PTPRH: variants seen among roughly 807,000 people sequenced by gnomAD.
PTPRH encodes the protein receptor-type tyrosine-protein phosphatase H.
A neutral mutation model predicts 130.2 loss-of-function variants in PTPRH; 113 were observed. The observed-to-expected ratio is 0.87, with a 90% CI of 0.75 to 1.01. The LOEUF (loss-of-function observed/expected upper bound fraction) is 1.01, where lower values mean the gene tolerates loss of function less well. Ranked by LOEUF, PTPRH falls within the 50% of genes least tolerant of loss-of-function variation. The pLI is 0.00. For missense variants in PTPRH, 1,430 were observed against 1,425.0 expected (o/e 1.00, Z -0.06); for synonymous variants, 556 against 577.9 (o/e 0.96, Z 0.54).
chr19:55,201,011 G>A (rs559535206), intron 6 of PTPRH, among the ~76,000 whole-genome samples: 1 of 152,118 alleles, frequency 6.6e-6, no homozygotes, highest in East Asian at 1.9e-4. Flanking sequence ...TTAAGAGGTA[G>A]GGCCCTTGCA....
chr19:55,192,360 C>T (rs2086569000), intron 10 of PTPRH, among the ~76,000 whole-genome samples: 1 of 151,810 alleles, frequency 6.6e-6, no homozygotes, highest in Non-Finnish European at 1.5e-5. Flanking sequence ...CCAGATCACA[C>T]TACTGCACTC....
rs374574973 is a variant in PTPRH, at chr19:55,192,185, G to A, written c.2258-444C>T. On this transcript the variant is annotated intron_variant, in intron 10 of 19. Coordinates refer to ENST00000376350, the MANE Select transcript of PTPRH (RefSeq NM_002842.5). ...TGGGAGGCGGAGATGGGCACATCAC[G>A]AGGTCAGGAGATCGAGACCATCCTG... The A allele has an allele frequency of 4.2e-4, 149 of 352,040 alleles. 4 individuals are homozygous for A. In the East Asian group the frequency reaches 6.5e-3, roughly 15 times the overall value. 21.8% of individuals were successfully genotyped at this position (352,040 alleles called of 1,614,324 possible).
intron 10 of PTPRH, chr19:55,192,057 T>C (rs2086557814): frequency 2.1e-6 from 1 of 476,176 alleles, no homozygotes; most frequent in Non-Finnish European, 4.1e-6. Context: ...TTCTCTTCCT[T>C]AGGATATTCT....
intron 9 of PTPRH, 130 bp downstream of exon 9, chr19:55,196,987 C>G: frequency 7.9e-7 from 1 of 1,268,856 alleles, no homozygotes; most frequent in Non-Finnish European, 1.1e-6. Flanking sequence ...GCCTTGGGCT[C>G]CTCCATCACT....
At chr19:55,192,331 G>A (rs1458966404) in intron 10 of PTPRH, among the ~76,000 whole-genome samples, 1 of 151,840 alleles carries the variant, frequency 6.6e-6, no homozygotes, top group Non-Finnish European at 1.5e-5. Flanking sequence ...GAACCCGGGA[G>A]GTGGAGCTTG....
At chr19:55,197,534 A>C (rs2086726232) in intron 8 of PTPRH, 118 bp from the exon 9 acceptor site, 1 of 974,612 alleles carries the variant, frequency 1.0e-6, no homozygotes, top group African/African-American at 1.6e-5. Flanking sequence ...CCAGTGGCTA[A>C]GGAGGCTGAA....
chr19:55,196,985 C>T (rs561525739), intron 9 of PTPRH, 132 bp downstream of exon 9: 17 of 1,257,886 alleles, frequency 1.4e-5, no homozygotes, highest in East Asian at 1.3e-4. Flanking sequence ...AGGCCTTGGG[C>T]TCCTCCATCA....
At position 55,206,803 on chromosome 19, in the gene PTPRH, T is replaced by C. The variant is rs1351775577; in HGVS notation, c.238A>G (p.Thr80Ala). ...CCATCCACGGTGACGTTGGTGGCTG[T>C]TGTGTTTCGAGTCTCTGTTGTGCCG... The part of the protein sequence containing the change: ...DGGTTETRNT[T>A]ATNVTVDGLG... The change falls in exon 3 of 20, where the codon ACA becomes GCA. Residue 80 changes from threonine to alanine, a missense_variant. By Grantham distance (58) the Thr-to-Ala change is moderately conservative. Coordinates refer to ENST00000376350, the MANE Select transcript of PTPRH (RefSeq NM_002842.5). 3.1e-6 allele frequency: 5 copies of C among 1,614,056 alleles called. No homozygotes were observed. The highest frequency in any genetic ancestry group is 1.3e-5 in the African/African-American group (1 of 74,924).
intron 2 of PTPRH, 41 bp from the exon 3 acceptor site, chr19:55,206,996 G>T (rs751990670): frequency 1.3e-6 from 2 of 1,566,180 alleles, no homozygotes; most frequent in Non-Finnish European, 1.7e-6. Flanking sequence ...AGGGAACCAG[G>T]TCAGTACAAT....
At chr19:55,187,998 G>A in intron 13 of PTPRH, 80 bp downstream of exon 13, 1 of 818,860 alleles carries the variant, frequency 1.2e-6, no homozygotes, top group Non-Finnish European at 1.9e-6. Context: ...CGAAAGCCGT[G>A]AGGTCTGGCC....
intron 14 of PTPRH, among the ~76,000 whole-genome samples, chr19:55,186,922 G>A (rs544789300): frequency 6.6e-6 from 1 of 152,058 alleles, no homozygotes; most frequent in Non-Finnish European, 1.5e-5. Context: ...GCGGGCGCCT[G>A]TAGTCCCAGC....
intron 12 of PTPRH, among the ~76,000 whole-genome samples, chr19:55,190,316 G>A (rs1185084700): frequency 6.8e-6 from 1 of 148,028 alleles, no homozygotes; most frequent in Admixed American, 6.8e-5. Flanking sequence ...GTTGCGGTGA[G>A]CCGAGATCAT....
At chr19:55,183,470 T>A (rs1307794721) in intron 18 of PTPRH, among the ~76,000 whole-genome samples, 1 of 152,102 alleles carries the variant, frequency 6.6e-6, no homozygotes, top group Non-Finnish European at 1.5e-5. Context: ...ACGCCTGTAA[T>A]CCCAGCACTT....
intron 7 of PTPRH, 39 bp from the exon 8 acceptor site, chr19:55,198,951 A>T (rs374820151): frequency 1.8e-5 from 26 of 1,482,046 alleles, no homozygotes; most frequent in Non-Finnish European, 2.3e-5. Context: ...CACATCCCCT[A>T]GTCCTCAAGA....
intron 6 of PTPRH, 121 bp downstream of exon 6, chr19:55,201,935 G>A (rs1488327780): frequency 6.9e-7 from 1 of 1,450,958 alleles, no homozygotes; most frequent in African/African-American, 1.4e-5. Flanking sequence ...CCCAGGATGT[G>A]GACATGAGTA....
chr19:55,183,517 C>T (rs956485132), intron 18 of PTPRH, among the ~76,000 whole-genome samples: 9 of 151,606 alleles, frequency 5.9e-5, no homozygotes, highest in African/African-American at 1.9e-4. Context: ...GGAGGTCAGG[C>T]GTTGGAGACC....
intron 14 of PTPRH, 72 bp downstream of exon 14, chr19:55,187,441 G>T: frequency 8.2e-7 from 1 of 1,225,682 alleles, no homozygotes; most frequent in Non-Finnish European, 1.2e-6. Context: ...AAAGCGGGTA[G>T]GAGAAGGGGA....
chr19:55,198,917 G>C lies in PTPRH; in HGVS notation c.1421-5C>G, dbSNP rs200498809. The C allele has an allele frequency of 2.7e-6, 4 of 1,505,312 alleles. No individual in the cohort carries two copies. The highest frequency in any genetic ancestry group is 3.6e-6 in the Non-Finnish European group (4 of 1,124,112). 93.2% of individuals were successfully genotyped at this position (1,505,312 alleles called of 1,614,324 possible). ...GGCTTGTCACTGCGTTGGGGACTGG[G>C]AGAGGGAGCAGAGTCAGGATTTCCA... On this transcript the variant is annotated splice_region_variant and splice_polypyrimidine_tract_variant and intron_variant, in intron 7 of 19. Coordinates refer to ENST00000376350, the MANE Select transcript of PTPRH (RefSeq NM_002842.5).
rs150009961 is a variant in PTPRH at position 55,206,796 on chromosome 19, G to A, written c.245C>T (p.Thr82Ile). Residue 82 changes from threonine (T) to isoleucine (I), a missense_variant, in exon 3 of 20, where the codon ACC (threonine) becomes ATC (isoleucine). Transcript: ENST00000376350. ...TCCAAGGCCATCCACGGTGACGTTGGTGGCTGTTGTGTTTCGAGTCTCTGT... is the reference window on the plus strand; with the variant it reads ...TCCAAGGCCATCCACGGTGACGTTGATGGCTGTTGTGTTTCGAGTCTCTGT... Reference protein sequence around the residue: ...GTTETRNTTATNVTVDGLGPG... With the variant: ...GTTETRNTTAINVTVDGLGPG... 85 of 1,614,158 alleles carry A rather than the reference G, an allele frequency of 5.3e-5. No homozygotes were observed. The African/African-American group carries it at 8.3e-4, about 16-fold the overall frequency.
Sources: allele counts gnomAD v4.1 joint callset (sites outside exome capture counted in the v4.1 genomes callset), GRCh38; gene constraint gnomAD v4.1.1; transcripts MANE v1.5; gene names NCBI Gene and HGNC (gene_info 2026-07-23, HGNC 2026-07-21).